Variants in ERICH1 observed in about 807,000 individuals in gnomAD.
ERICH1 encodes glutamate-rich protein 1.
In ERICH1, 56 loss-of-function variants were observed where a neutral mutation model predicts 39.6. The ratio of observed to expected loss-of-function variants is 1.41; its 90% CI spans 1.14 to 1.77. The LOEUF (loss-of-function observed/expected upper bound fraction) is 1.77. ERICH1 is among the 40% of genes most tolerant of loss of function. The probability of loss-of-function intolerance (pLI) is 0.00; values close to 1 mark genes in which losing one functional copy is unlikely to be tolerated. For synonymous variants in ERICH1, 313 were observed against 223.6 expected, an observed-to-expected ratio of 1.40 and a Z score of -3.57; for missense variants, 826 against 575.4, an observed-to-expected ratio of 1.44 and a Z score of -4.45.
chr8:660,269 T>A (rs1241426968), downstream of ERICH1, among the ~76,000 whole-genome samples: 1 of 152,262 alleles, frequency 6.6e-6, no homozygotes, highest in Non-Finnish European at 1.5e-5. Context: ...TGATGAGGCT[T>A]GGCAGTTGTT....
downstream of ERICH1, chr8:664,054 C>T (rs112062478): frequency 1.6e-3 from 358 of 217,218 alleles, 5 homozygotes; most frequent in African/African-American, 7.7e-3. Flanking sequence ...CCACCGCACC[C>T]GGCCTGACTG....
At chr8:710,378 C>T (rs112039957) in intron 2 of ERICH1, among the ~76,000 whole-genome samples, 37 of 145,604 alleles carry the variant, frequency 2.5e-4, no homozygotes, top group Admixed American at 2.1e-3. Context: ...GCGGTTTCAC[C>T]GTCCTGCAAG....
intron 3 of ERICH1, among the ~76,000 whole-genome samples, chr8:643,718 T>C (rs1400346557): frequency 6.6e-6 from 1 of 152,176 alleles, no homozygotes; most frequent in East Asian, 1.9e-4. Flanking sequence ...TTCGGGAGCT[T>C]GTGGGATGTG....
intron 2 of ERICH1, among the ~76,000 whole-genome samples, chr8:696,273 G>A (rs111162118): frequency 1.3e-4 from 9 of 68,430 alleles, no homozygotes; most frequent in African/African-American, 1.7e-4. Flanking sequence ...ATCAGCCTGC[G>A]CTCGCTCCTC....
At position 664,554 on chromosome 8, in the gene ERICH1, T is replaced by C; in HGVS notation, c.*49A>G. 1 of 1,574,958 alleles carries C rather than the reference T, an allele frequency of 6.3e-7. No individual in the cohort carries two copies. Among genetic ancestry groups the C allele is most frequent in the Non-Finnish European group, 8.6e-7 (1 of 1,162,444 alleles). On this transcript the variant is annotated 3_prime_UTR_variant, in exon 6 of 6. Transcript: ENST00000262109. ...CTCTAAGCCCATCTCACATTTGTCT[T>C]TTAAGTTTTTTTGTTAAAGAGGAGC...
At chr8:668,488 G>C (rs777497946) in intron 5 of ERICH1, 110 bp downstream of exon 5, 2 of 1,049,670 alleles carry the variant, frequency 1.9e-6, no homozygotes. Context: ...CATATGTGCA[G>C]TGTCATATTT....
chr8:618,189 T>C (rs1669656), intron 3 of ERICH1, among the ~76,000 whole-genome samples: 27,327 of 150,786 alleles, frequency 0.18, 2,571 homozygotes, highest in East Asian at 0.31. Flanking sequence ...CTGTTCTCAC[T>C]GCCCTCTGAG....
intron 3 of ERICH1, chr8:616,170 A>T (rs2116988985): frequency 5.0e-6 from 1 of 201,566 alleles, no homozygotes; most frequent in East Asian, 1.4e-4. Flanking sequence ...TATTAAACTC[A>T]AGGGTACACC....
In ERICH1 at chr8:699,937, ACCCGCACACGCGCACAGG is replaced by A. The variant is rs1334760096; in HGVS notation, c.170-7343_170-7326del. Among the ~76,000 whole-genome samples the A allele has an allele frequency of 5.2e-3, 669 of 128,466 alleles. 6 individuals carry two copies. Among genetic ancestry groups the A allele is most frequent in the Non-Finnish European group, 9.1e-3 (551 of 60,644 alleles). The allele number at this position is 128,466 out of a possible 152,430, so 84.3% of individuals were successfully genotyped here. On this transcript the variant is annotated intron_variant, in intron 2 of 5. Coordinates refer to ENST00000262109, the MANE Select transcript of ERICH1 (RefSeq NM_207332.3). ...CGCACAGGCCCGCACAGGCGCACAGACCCGCACACGCGCACAGGCCCGCACACGCGCACAGACCCGCAC... is the reference window on the plus strand; with the variant it reads ...CGCACAGGCCCGCACAGGCGCACAGACCCGCACACGCGCACAGACCCGCAC...
intron 3 of ERICH1, among the ~76,000 whole-genome samples, chr8:677,903 C>G (rs1805223480): frequency 6.6e-6 from 1 of 152,178 alleles, no homozygotes; most frequent in Admixed American, 6.5e-5. Context: ...TCCTTCTCTG[C>G]CAGCTCTGTC....
chr8:700,144 GGCGCACAGACCCGCACAC>G (rs1476410682), intron 2 of ERICH1, among the ~76,000 whole-genome samples: 2 of 116,098 alleles, frequency 1.7e-5, no homozygotes, highest in African/African-American at 3.3e-5. Context: ...GACCCGCACA[GGCGCACAGACCCGCACAC>G]GCGCACAGGC....
At chr8:667,346 C>A (rs1341367772) in intron 5 of ERICH1, 1 of 153,642 alleles carries the variant, frequency 6.5e-6, no homozygotes, top group Non-Finnish European at 1.5e-5. Flanking sequence ...CCACCGGGCT[C>A]CTCGCAGTTC....
At chr8:656,995 C>G (rs185067771) in intron 3 of ERICH1, 1 of 280,488 alleles carries the variant, frequency 3.6e-6, no homozygotes, top group East Asian at 1.7e-4. Context: ...TATTACTTAG[C>G]AAATGTTTAA....
chr8:642,587 G>A (rs553952413), intron 3 of ERICH1, among the ~76,000 whole-genome samples: 8 of 151,876 alleles, frequency 5.3e-5, no homozygotes, highest in Non-Finnish European at 7.4e-5. Context: ...CTCGTGATCT[G>A]CCCGCCTCGG....
In ERICH1 at chr8:664,293, G is replaced by C. The variant is rs1340725781; in HGVS notation, c.*310C>G. 9.7e-7 allele frequency: 1 copy of C among 1,035,716 alleles called. No individual in the cohort carries two copies. The highest frequency in any genetic ancestry group is 4.4e-5 in the South Asian group (1 of 22,782). 64.2% of individuals were successfully genotyped at this position (1,035,716 alleles called of 1,614,324 possible). A position where few individuals can be genotyped will look rare whatever the true frequency, so the allele number is the denominator to read the frequency against. ...TTCAAAACTTCATAAAAATATATGAGCTTCAAACTATACATTTAACTTAAC... is the reference window on the plus strand; with the variant it reads ...TTCAAAACTTCATAAAAATATATGACCTTCAAACTATACATTTAACTTAAC... On this transcript the variant is annotated 3_prime_UTR_variant, in exon 6 of 6. Coordinates refer to ENST00000262109, the MANE Select transcript of ERICH1 (RefSeq NM_207332.3).
intron 4 of ERICH1, chr8:671,910 C>G (rs968679046): frequency 6.1e-6 from 1 of 164,942 alleles, no homozygotes; most frequent in Non-Finnish European, 1.3e-5. Context: ...TCTGTCTGTG[C>G]TCACTGGGCT....
chr8:629,475 A>T (rs1428473932), intron 3 of ERICH1, among the ~76,000 whole-genome samples: 1 of 144,676 alleles, frequency 6.9e-6, no homozygotes, highest in African/African-American at 2.6e-5. Context: ...GACCACCCAC[A>T]CAGACAGAGC....
At chr8:703,707 G>A (rs1047188957) in intron 2 of ERICH1, among the ~76,000 whole-genome samples, 1 of 152,222 alleles carries the variant, frequency 6.6e-6, no homozygotes, top group Non-Finnish European at 1.5e-5. Flanking sequence ...AGCCGGAAGG[G>A]TGGAAGATGA....
intron 2 of ERICH1, among the ~76,000 whole-genome samples, chr8:711,547 G>C (rs563419506): frequency 6.6e-6 from 1 of 150,512 alleles, no homozygotes; most frequent in Non-Finnish European, 1.5e-5. Flanking sequence ...CACCCAGGCC[G>C]GACTGCAGTG....
Sources: allele counts gnomAD v4.1 joint callset (sites outside exome capture counted in the v4.1 genomes callset), GRCh38; gene constraint gnomAD v4.1.1; transcripts MANE v1.5; gene names NCBI Gene and HGNC (gene_info 2026-07-23, HGNC 2026-07-21).